The following KCNH3 variants were observed in gnomAD, a reference collection of about 807,000 sequenced individuals.
KCNH3 encodes the protein voltage-gated inwardly rectifying potassium channel KCNH3.
In KCNH3, 36 loss-of-function variants were observed where a neutral mutation model predicts 95.6. That is an observed-to-expected ratio of 0.38 (90% confidence interval 0.29 to 0.50). KCNH3 has a LOEUF of 0.50. Among genes scored for constraint, KCNH3 ranks in the 20% least tolerant of loss-of-function variants. The pLI, the probability that KCNH3 is intolerant of heterozygous loss-of-function variation, is 0.95. For synonymous variants in KCNH3, 620 were observed against 646.3 expected (o/e 0.96, Z 0.62); for missense variants, 1,030 against 1,484.1 (o/e 0.69, Z 5.03).
chr12:49,543,591 G>A (rs1937949182), intron 5 of KCNH3, 73 bp downstream of exon 5: 3 of 1,547,212 alleles, frequency 1.9e-6, no homozygotes, highest in South Asian at 2.4e-5. Context: ...AGTCCACGTG[G>A]CTTCCAGGGT....
At chr12:49,541,378 C>T (rs1937866281) in intron 2 of KCNH3, among the ~76,000 whole-genome samples, 1 of 152,226 alleles carries the variant, frequency 6.6e-6, no homozygotes, top group South Asian at 2.1e-4. Context: ...CCGCATCCAA[C>T]AGAAAAACAT....
chr12:49,556,644 T>C, intron 13 of KCNH3, 168 bp downstream of exon 13: 1 of 705,222 alleles, frequency 1.4e-6, no homozygotes, highest in Non-Finnish European at 2.6e-6. Context: ...AGTTTGGTGG[T>C]GAAGACCAGC....
intron 7 of KCNH3, among the ~76,000 whole-genome samples, chr12:49,547,075 A>G (rs1715838270): frequency 6.6e-6 from 1 of 151,960 alleles, no homozygotes; most frequent in Admixed American, 6.6e-5. Flanking sequence ...TTATATTTTT[A>G]GTAGAGATGG....
At chr12:49,556,850 G>T (rs1938475266) in intron 13 of KCNH3, 6 of 633,730 alleles carry the variant, frequency 9.5e-6, no homozygotes, top group South Asian at 9.4e-5. Flanking sequence ...GGATCCAGGG[G>T]TGAAAATGTC....
At chr12:49,549,788 A>G (rs1274420944) in intron 9 of KCNH3, 148 bp downstream of exon 9, 1 of 834,492 alleles carries the variant, frequency 1.2e-6, no homozygotes, top group Non-Finnish European at 1.9e-6. Flanking sequence ...CATGGGACAG[A>G]GGGCAGCTAA....
intron 7 of KCNH3, 149 bp from the exon 8 acceptor site, chr12:49,548,746 T>G (rs1592504156): frequency 1.4e-6 from 1 of 718,258 alleles, no homozygotes; most frequent in Middle Eastern, 3.9e-4. Flanking sequence ...GTTGAGGGGG[T>G]GGAGAGGGGT....
intron 13 of KCNH3, 71 bp downstream of exon 13, chr12:49,556,547 AC>A: frequency 9.3e-7 from 1 of 1,077,160 alleles, no homozygotes; most frequent in South Asian, 1.3e-5. Flanking sequence ...AGCACTGTTG[AC>A]CTCTGAGCCT....
intron 8 of KCNH3, 113 bp downstream of exon 8, chr12:49,549,286 C>G (rs1938174908): frequency 3.2e-5 from 46 of 1,459,172 alleles, no homozygotes; most frequent in Non-Finnish European, 4.2e-5. Flanking sequence ...CTTTAGGTGG[C>G]CGCGGAACCC....
At chr12:49,541,850 C>T in intron 3 of KCNH3, 86 bp downstream of exon 3, 1 of 1,423,272 alleles carries the variant, frequency 7.0e-7, no homozygotes, top group Non-Finnish European at 9.6e-7. Flanking sequence ...TACGGGGGTC[C>T]CCCATGCACC....
chr12:49,557,078 G>C (rs1308423402), intron 13 of KCNH3, 105 bp from the exon 14 acceptor site: 18 of 1,099,814 alleles, frequency 1.6e-5, no homozygotes, highest in Non-Finnish European at 2.3e-5. Context: ...CTAGGAGTCA[G>C]GTCCTACCAG....
In KCNH3 at chr12:49,539,508, G is replaced by A. The variant is rs748930338; in HGVS notation, c.76+16G>A. ...GACGGCACGCGTGAGTCCGACCCTC[G>A]CCCACTTGCACCCGGGCCGCCGGAC... On this transcript the variant is annotated intron_variant, in intron 1 of 14. Transcript: ENST00000257981. The surrounding 1 kb of genome is among the most constrained non-coding windows in gnomAD (Gnocchi z 6.7). The A allele has an allele frequency of 1.9e-6, 3 of 1,585,304 alleles. No individual in the cohort carries two copies. The highest frequency in any genetic ancestry group is 2.4e-5 in the East Asian group (1 of 41,138).
In KCNH3 at chr12:49,542,701, C is replaced by T. The variant is rs758341658; in HGVS notation, c.446-5C>T. On this transcript the variant is annotated splice_polypyrimidine_tract_variant and splice_region_variant and intron_variant, in intron 3 of 14. Coordinates refer to ENST00000257981, the MANE Select transcript of KCNH3 (RefSeq NM_012284.3). ...TCATCTTCATGGGCCCCTCTTCTTT[C>T]GCAGGTGGTGGCCGGCGCCGATATG... 2.1e-5 allele frequency: 33 copies of T among 1,568,508 alleles called. No individual in the cohort carries two copies. Among genetic ancestry groups the T allele is most frequent in the African/African-American group, 1.2e-4 (9 of 73,864 alleles).
intron 4 of KCNH3, 99 bp from the exon 5 acceptor site, chr12:49,543,176 G>C: frequency 7.7e-7 from 1 of 1,304,556 alleles, no homozygotes. Context: ...CGATAATGCA[G>C]GGATAGAAAG....
At chr12:49,550,442 C>T in intron 10 of KCNH3, 113 bp downstream of exon 10, 1 of 1,353,320 alleles carries the variant, frequency 7.4e-7, no homozygotes. Context: ...GAGAAACAGC[C>T]AGGGTGGAGT....
rs766034425 is a variant in KCNH3 at position 49,544,104 on chromosome 12, G to C, written c.981+32G>C. On this transcript the variant is annotated intron_variant, in intron 6 of 14. Coordinates refer to ENST00000257981, the MANE Select transcript of KCNH3 (RefSeq NM_012284.3). ...GTGGCTGGGCTGGCTGGGTGGGTGG[G>C]CTTGGCCAGGGGACAGGCAGGGCCG... 3 of 1,606,210 alleles carry C rather than the reference G, an allele frequency of 1.9e-6. No homozygotes were observed. The Admixed American group carries it at 5.0e-5, about 27-fold the overall frequency.
intron 12 of KCNH3, 47 bp from the exon 13 acceptor site, chr12:49,556,322 AG>A (rs754534595): frequency 1.4e-6 from 2 of 1,401,390 alleles, no homozygotes; most frequent in Non-Finnish European, 2.0e-6. Context: ...ATGACCCCAC[AG>A]TGGCTGCCTG....
In KCNH3 at chr12:49,541,805, G is replaced by A. The variant is rs186910541; in HGVS notation, c.445+41G>A. ...TGCTGTGGTCGGGGTATTGGGTGCC[G>A]CAGGCCCGGGCGGGGCCTTGGCACC... On this transcript the variant is annotated intron_variant, in intron 3 of 14. Transcript: ENST00000257981. 1,009 of 1,606,256 alleles carry A rather than the reference G, an allele frequency of 6.3e-4. 11 individuals are homozygous for A. The Admixed American group carries it at 0.016, about 26-fold the overall frequency.
intron 11 of KCNH3, 139 bp downstream of exon 11, chr12:49,554,693 A>G (rs1296690932): frequency 1.4e-6 from 1 of 726,604 alleles, no homozygotes; most frequent in Non-Finnish European, 2.3e-6. Flanking sequence ...AGGGGTCTAC[A>G]CCCTCTCTGC....
chr12:49,554,687 G>A, intron 11 of KCNH3, 133 bp downstream of exon 11: 1 of 748,762 alleles, frequency 1.3e-6, no homozygotes, highest in South Asian at 1.7e-5. Context: ...TTGGGCAGGG[G>A]TCTACACCCT....
Sources: allele counts gnomAD v4.1 joint callset (sites outside exome capture counted in the v4.1 genomes callset), GRCh38; gene constraint gnomAD v4.1.1; non-coding constraint Gnocchi (gnomAD v3.1); transcripts MANE v1.5; gene names NCBI Gene and HGNC (gene_info 2026-07-23, HGNC 2026-07-21).